The following DHX32 variants were observed in gnomAD, a reference collection of about 807,000 sequenced individuals.
DHX32 encodes DEAH-box helicase 32 (putative), also known as putative pre-mRNA-splicing factor ATP-dependent RNA helicase DHX32.
In DHX32, 51 loss-of-function variants were observed where a neutral mutation model predicts 70.0. The observed-to-expected ratio is 0.73, with a 90% CI of 0.58 to 0.92. The LOEUF is 0.92. DHX32 is among the 40% of genes least tolerant of loss of function. The pLI, the probability that DHX32 is intolerant of heterozygous loss-of-function variation, is 0.00. For missense variants in DHX32, 762 were observed against 891.8 expected, an observed-to-expected ratio of 0.85 and a Z score of 1.85; for synonymous variants, 310 against 315.3, an observed-to-expected ratio of 0.98 and a Z score of 0.18.
intron 6 of DHX32, among the ~76,000 whole-genome samples, chr10:125,851,920 CAAAAAAAAAAAAA>C (rs56380138): frequency 1.2e-5 from 1 of 86,788 alleles, no homozygotes. Context: ...GACCCTGTCT[CAAAAAAAAAAAAA>C]AAAAAAAAGA....
intron 6 of DHX32, among the ~76,000 whole-genome samples, chr10:125,847,199 GGTT>G (rs1944032823): frequency 6.6e-6 from 1 of 152,048 alleles, no homozygotes; most frequent in African/African-American, 2.4e-5. Flanking sequence ...GATTTTTCTA[GGTT>G]GTTCTGGGAC....
intron 2 of DHX32, among the ~76,000 whole-genome samples, chr10:125,862,804 A>G (rs1225441142): frequency 6.6e-6 from 1 of 152,136 alleles, no homozygotes; most frequent in Non-Finnish European, 1.5e-5. Flanking sequence ...ACAGTGAGCT[A>G]TGATCCCACA....
upstream of DHX32, among the ~76,000 whole-genome samples, chr10:125,881,592 G>A (rs1944317761): frequency 6.6e-6 from 1 of 152,174 alleles, no homozygotes; most frequent in Non-Finnish European, 1.5e-5. Context: ...AGAAAGCCAA[G>A]TGAGGGGAAT....
intron 3 of DHX32, among the ~76,000 whole-genome samples, chr10:125,856,832 T>G (rs1257598424): frequency 2.0e-5 from 3 of 151,508 alleles, no homozygotes; most frequent in Admixed American, 6.6e-5. Flanking sequence ...GGTGCACACC[T>G]GTAATCCCAG....
intron 3 of DHX32, among the ~76,000 whole-genome samples, chr10:125,859,049 T>TG (rs1944167259): frequency 1.5e-5 from 2 of 135,134 alleles, no homozygotes; most frequent in African/African-American, 5.6e-5. Flanking sequence ...TTGTTTGTTT[T>TG]TTTTTTTTTT....
chr10:125,864,917 G>C (rs1944210141), intron 2 of DHX32, among the ~76,000 whole-genome samples: 2 of 98,338 alleles, frequency 2.0e-5, no homozygotes, highest in African/African-American at 7.8e-5. Flanking sequence ...GAGACAGAGT[G>C]GGACTCTGTC....
At chr10:125,879,737 A>T (rs1944306306) in intron 1 of DHX32, among the ~76,000 whole-genome samples, 1 of 151,974 alleles carries the variant, frequency 6.6e-6, no homozygotes, top group Non-Finnish European at 1.5e-5. Flanking sequence ...CTGCAGCCTC[A>T]ACTTCCCAGG....
intron 10 of DHX32, 107 bp from the exon 11 acceptor site, chr10:125,836,962 C>G (rs1854710171): frequency 9.6e-6 from 9 of 935,174 alleles, no homozygotes; most frequent in Non-Finnish European, 1.4e-5. Flanking sequence ...ACCTGTAGAA[C>G]CGGTATTTAA....
intron 6 of DHX32, 118 bp downstream of exon 6, chr10:125,852,175 C>T: frequency 7.6e-7 from 1 of 1,309,452 alleles, no homozygotes; most frequent in African/African-American, 1.5e-5. Flanking sequence ...CAGTCCAAAC[C>T]AACGCCCCCT....
At position 125,866,996 on chromosome 10, in the gene DHX32, A is replaced by T; in HGVS notation, c.470T>A (p.Ile157Asn). The change falls in exon 2 of 11, where the codon ATC becomes AAC. Residue 157 changes from isoleucine (I) to asparagine (N), a missense_variant. Transcript: ENST00000284690. The surrounding 1 kb of genome is among the most constrained non-coding windows in gnomAD (Gnocchi z 4.8). ...CTGAACCCCACAAACCAACCTCAGG[A>T]TTGTTTCGTTGGTACAGCAGTTCTC... ...PFENCCTNET[I>N]LRYCTDDMLQ... The T allele has an allele frequency of 6.2e-7, 1 of 1,612,940 alleles. No homozygotes were observed. The highest frequency in any genetic ancestry group is 8.5e-7 in the Non-Finnish European group (1 of 1,179,230).
chr10:125,892,603 C>T (rs75240636), intron 1 of DHX32, among the ~76,000 whole-genome samples: 1 of 151,856 alleles, frequency 6.6e-6, no homozygotes, highest in Non-Finnish European at 1.5e-5. Flanking sequence ...GGCTGTTCTG[C>T]TTCGGAAGCA....
At chr10:125,861,768 C>G (rs1944190248) in intron 2 of DHX32, among the ~76,000 whole-genome samples, 1 of 152,212 alleles carries the variant, frequency 6.6e-6, no homozygotes, top group South Asian at 2.1e-4. Context: ...GTCCCATCCA[C>G]TATTTCCCTT....
At chr10:125,838,946 C>G in intron 9 of DHX32, 55 bp downstream of exon 9, 2 of 1,532,092 alleles carry the variant, frequency 1.3e-6, no homozygotes, top group South Asian at 2.5e-5. Flanking sequence ...GCAGCATATC[C>G]TGAGTATGTG....
rs909128683 is a variant in DHX32, at chr10:125,836,408, C to G, written c.*279G>C. 6.7e-7 allele frequency: 1 copy of G among 1,482,032 alleles called. No individual in the cohort carries two copies. The highest frequency in any genetic ancestry group is 8.9e-7 in the Non-Finnish European group (1 of 1,121,378). The allele number at this position is 1,482,032 out of a possible 1,614,324, so 91.8% of individuals were successfully genotyped here. A position where few individuals can be genotyped will look rare whatever the true frequency, so the allele number is the denominator to read the frequency against. ...AAGTAGGGTTCTGTCCCATGTGTCT[C>G]TGACACATTTACAAAATACCAGTTT... On this transcript the variant is annotated 3_prime_UTR_variant, in exon 11 of 11. Transcript: ENST00000284690.
chr10:125,839,795 C>A (rs970793900), intron 8 of DHX32, among the ~76,000 whole-genome samples: 1 of 152,172 alleles, frequency 6.6e-6, no homozygotes, highest in African/African-American at 2.4e-5. Context: ...CCTGTAATTA[C>A]TTAAGATGGA....
intron 6 of DHX32, chr10:125,842,180 G>C (rs1026004910): frequency 4.4e-6 from 2 of 453,794 alleles, no homozygotes; most frequent in African/African-American, 2.1e-5. Flanking sequence ...TGTGCATGCG[G>C]GGGGAACCCA....
chr10:125,866,973 G>T lies in DHX32; in HGVS notation c.476+17C>A. 6.2e-7 allele frequency: 1 copy of T among 1,608,110 alleles called. No individual in the cohort carries two copies. Among genetic ancestry groups the T allele is most frequent in the South Asian group, 1.1e-5 (1 of 89,908 alleles). Reference sequence around the variant, plus strand: ...AAGAATCATCAGCAGGGAGCGGACTGAACCCCACAAACCAACCTCAGGATT... The same window carrying T: ...AAGAATCATCAGCAGGGAGCGGACTTAACCCCACAAACCAACCTCAGGATT... On this transcript the variant is annotated intron_variant, in intron 2 of 10. Transcript: ENST00000284690. This position sits in a 1 kb window ranked among gnomAD's most constrained non-coding sequence, Gnocchi z 4.8.
intron 1 of DHX32, among the ~76,000 whole-genome samples, chr10:125,873,639 T>C (rs868088247): frequency 6.6e-6 from 1 of 152,204 alleles, no homozygotes; most frequent in Non-Finnish European, 1.5e-5. Flanking sequence ...GTTTTTAAGT[T>C]TGCAAGTCTT....
chr10:125,861,494 C>A (rs944945523), intron 2 of DHX32, among the ~76,000 whole-genome samples: 11 of 152,130 alleles, frequency 7.2e-5, no homozygotes, highest in Non-Finnish European at 1.5e-4. Flanking sequence ...GAGACTCCCC[C>A]AGAAAAGAGT....
Sources: allele counts gnomAD v4.1 joint callset (sites outside exome capture counted in the v4.1 genomes callset), GRCh38; gene constraint gnomAD v4.1.1; non-coding constraint Gnocchi (gnomAD v3.1); transcripts MANE v1.5; gene names NCBI Gene and HGNC (gene_info 2026-07-23, HGNC 2026-07-21).